Variants in NETO2 observed in about 807,000 individuals in gnomAD.
NETO2 encodes the protein neuropilin and tolloid-like protein 2.
Under a neutral mutation model 62.5 loss-of-function variants are expected in NETO2, and 28 were observed. The ratio of observed to expected loss-of-function variants is 0.45; its 90% confidence interval spans 0.33 to 0.61. The LOEUF (loss-of-function observed/expected upper bound fraction) is 0.61, where lower values mean the gene tolerates loss of function less well. Ranked by LOEUF, NETO2 falls within the 20% of genes least tolerant of loss-of-function variation. The pLI is 0.02. For missense variants in NETO2, 548 were observed against 643.2 expected, an observed-to-expected ratio of 0.85 and a Z score of 1.60; for synonymous variants, 214 against 219.1, an observed-to-expected ratio of 0.98 and a Z score of 0.21.
At chr16:47,126,578 TCA>T (rs1964161459) in intron 4 of NETO2, among the ~76,000 whole-genome samples, 1 of 152,136 alleles carries the variant, frequency 6.6e-6, no homozygotes, top group South Asian at 2.1e-4. Flanking sequence ...TTGTCAAAAC[TCA>T]CAGAGCACAC....
chr16:47,111,563 G>C (rs760231445), intron 6 of NETO2, among the ~76,000 whole-genome samples: 4 of 152,176 alleles, frequency 2.6e-5, no homozygotes, highest in Non-Finnish European at 2.9e-5. Flanking sequence ...CATGAGAAGG[G>C]ATCTTTTACT....
intron 7 of NETO2, among the ~76,000 whole-genome samples, chr16:47,099,615 T>C (rs1479380122): frequency 1.3e-5 from 2 of 151,676 alleles, no homozygotes; most frequent in Non-Finnish European, 2.9e-5. Context: ...GATGGAGGAA[T>C]ATTTACCAAG....
intron 6 of NETO2, among the ~76,000 whole-genome samples, chr16:47,115,069 A>T (rs2143927541): frequency 6.6e-6 from 1 of 152,216 alleles, no homozygotes; most frequent in Middle Eastern, 3.4e-3. Flanking sequence ...CAGAAATCTA[A>T]TCTCTGGACT....
At position 47,083,393 on chromosome 16, in the gene NETO2, T is replaced by C. The variant is rs1379609145; in HGVS notation, c.1406A>G (p.Gln469Arg). 6.2e-6 allele frequency: 10 copies of C among 1,614,114 alleles called. No homozygotes were observed. Among genetic ancestry groups the C allele is most frequent in the East Asian group, 2.2e-5 (1 of 44,896 alleles). The change falls in exon 9 of 9, where the codon CAG becomes CGG. Residue 469 changes from glutamine to arginine, a missense_variant. Coordinates refer to ENST00000562435, the MANE Select transcript of NETO2 (RefSeq NM_018092.5). ...LPFRNDFAQP[Q>R]PMKTFNSTFK... The stretch of plus-strand genomic sequence containing the variant: ...GGTGCTATTAAATGTTTTCATTGGC[T>C]GTGGTTGTGCAAAGTCATTTCGGAA...
chr16:47,120,498 T>G (rs961299268), intron 6 of NETO2, among the ~76,000 whole-genome samples: 1 of 152,232 alleles, frequency 6.6e-6, no homozygotes, highest in Non-Finnish European at 1.5e-5. Flanking sequence ...CAAGCATTTA[T>G]CATGTGTTAC....
chr16:47,124,295 T>C (rs921646161), intron 4 of NETO2, among the ~76,000 whole-genome samples: 2 of 152,208 alleles, frequency 1.3e-5, no homozygotes, highest in Non-Finnish European at 2.9e-5. Context: ...AGGAACTGTC[T>C]GGCAGATTAA....
chr16:47,086,291 T>C lies in NETO2; in HGVS notation c.932A>G (p.Asn311Ser), dbSNP rs1567378514. 1.9e-6 allele frequency: 3 copies of C among 1,614,088 alleles called. No individual in the cohort carries two copies. Among genetic ancestry groups the C allele is most frequent in the Non-Finnish European group, 2.5e-6 (3 of 1,179,984 alleles). Residue 311 changes from asparagine (N) to serine (S), a missense_variant, in exon 8 of 9, where the codon AAT becomes AGT. Asn to Ser is a conservative substitution (Grantham distance 46). Coordinates refer to ENST00000562435, the MANE Select transcript of NETO2 (RefSeq NM_018092.5). ...TFFCHSNMCI[N>S]NSLVCNGVQN... is the part of the protein sequence containing the mutation. ...GACACCATTACAGACTAAAGAATTA[T>C]TGATGCACATGTTGCTATGGCAAAA...
At chr16:47,105,085 G>C (rs1963644745) in intron 7 of NETO2, among the ~76,000 whole-genome samples, 1 of 151,270 alleles carries the variant, frequency 6.6e-6, no homozygotes. Flanking sequence ...ATGTTGACCA[G>C]GCTGGTCTTG....
intron 4 of NETO2, among the ~76,000 whole-genome samples, chr16:47,125,438 C>T (rs1169678869): frequency 6.6e-6 from 1 of 151,816 alleles, no homozygotes; most frequent in African/African-American, 2.4e-5. Context: ...CTCCACCTCC[C>T]AGGTTCAAGC....
chr16:47,099,024 TA>T (rs1450161437), intron 7 of NETO2, among the ~76,000 whole-genome samples: 1 of 152,026 alleles, frequency 6.6e-6, no homozygotes. Flanking sequence ...CACACCTGGG[TA>T]ATTTTTGTAT....
In NETO2 at chr16:47,129,448, G is replaced by A. The variant is rs757498437; in HGVS notation, c.92-84C>T. ...TTCCCCCACCACTTTCCAAACGATTGCTCACTCTATGCTACATATATAAAA... is the reference window on the plus strand; with the variant it reads ...TTCCCCCACCACTTTCCAAACGATTACTCACTCTATGCTACATATATAAAA... On this transcript the variant is annotated intron_variant, in intron 2 of 8. Transcript: ENST00000562435. 4.4e-6 allele frequency: 6 copies of A among 1,373,980 alleles called. No homozygotes were observed. The African/African-American group carries it at 5.7e-5, about 13-fold the overall frequency. 85.1% of individuals were successfully genotyped at this position (1,373,980 alleles called of 1,614,324 possible).
chr16:47,110,901 T>C (rs1465231566), intron 6 of NETO2, among the ~76,000 whole-genome samples: 3 of 152,288 alleles, frequency 2.0e-5, no homozygotes, highest in East Asian at 1.9e-4. Context: ...TAAATAATTT[T>C]GGTTTATTTG....
intron 4 of NETO2, among the ~76,000 whole-genome samples, chr16:47,123,951 C>A (rs959510175): frequency 2.0e-5 from 3 of 152,188 alleles, no homozygotes; most frequent in African/African-American, 7.2e-5. Context: ...CCTGCCTCGG[C>A]CTTCCAAAGT....
At chr16:47,101,147 A>G (rs1056954200) in intron 7 of NETO2, among the ~76,000 whole-genome samples, 5 of 151,750 alleles carry the variant, frequency 3.3e-5, no homozygotes, top group Non-Finnish European at 7.4e-5. Flanking sequence ...CTGGCTCAAC[A>G]TAAGCAAATC....
intron 4 of NETO2, among the ~76,000 whole-genome samples, chr16:47,123,414 G>A (rs1596737392): frequency 6.6e-6 from 1 of 152,126 alleles, no homozygotes; most frequent in East Asian, 1.9e-4. Context: ...GCTGACCTGG[G>A]AGGATCTTTT....
intron 7 of NETO2, among the ~76,000 whole-genome samples, chr16:47,096,646 C>T (rs754566471): frequency 4.6e-5 from 7 of 152,142 alleles, no homozygotes; most frequent in African/African-American, 1.2e-4. Context: ...AAAAAAGAAT[C>T]CAGAACTTCT....
chr16:47,130,748 T>C (rs1964249012), intron 2 of NETO2, among the ~76,000 whole-genome samples: 2 of 152,212 alleles, frequency 1.3e-5, no homozygotes, highest in South Asian at 2.1e-4. Flanking sequence ...CTGCTGTAAA[T>C]AAAGTTTTAC....
At chr16:47,127,148 A>G (rs1964173094) in intron 4 of NETO2, among the ~76,000 whole-genome samples, 1 of 152,220 alleles carries the variant, frequency 6.6e-6, no homozygotes, top group African/African-American at 2.4e-5. Context: ...AATTTCTTGC[A>G]CGAAAAATAA....
At position 47,122,758 on chromosome 16, in the gene NETO2, CAGCTCCCGAG is replaced by C; in HGVS notation, c.543_552del (p.Ser182MetfsTer3). 6.2e-7 allele frequency: 1 copy of C among 1,614,090 alleles called. No individual in the cohort carries two copies. Among genetic ancestry groups the C allele is most frequent in the Non-Finnish European group, 8.5e-7 (1 of 1,180,018 alleles). On this transcript the variant is annotated frameshift_variant, in exon 6 of 9. Transcript: ENST00000562435. LOFTEE classifies it high-confidence loss of function. ...ACCTGACTAGAGCGCACTATTCCAT[CAGCTCCCGAG>C]AGCTCGAACTGACAATCTGGAAGGA... is the stretch of plus-strand genomic sequence containing the variant.
Sources: gnomAD v4.1 joint callset for allele counts (sites outside exome capture counted in the v4.1 genomes callset) on GRCh38, gnomAD v4.1.1 for gene constraint, MANE v1.5 for transcripts, NCBI Gene and HGNC (gene_info 2026-07-23, HGNC 2026-07-21) for gene names.